Variants in UNC13B observed in about 807,000 individuals in gnomAD.
UNC13B encodes protein unc-13 homolog B.
UNC13B carries 144 observed loss-of-function variants against 211.0 expected under a neutral mutation model. The observed-to-expected ratio is 0.68, with a 90% CI of 0.60 to 0.78. The LOEUF (loss-of-function observed/expected upper bound fraction) is 0.78. Ranked by LOEUF, UNC13B falls within the 30% of genes least tolerant of loss-of-function variation. The probability of loss-of-function intolerance (pLI) is 0.00; values close to 1 mark genes in which losing one functional copy is unlikely to be tolerated. For synonymous variants in UNC13B, 709 were observed against 725.8 expected, an observed-to-expected ratio of 0.98 and a Z score of 0.37; for missense variants, 1,777 against 2,002.0, an observed-to-expected ratio of 0.89 and a Z score of 2.14.
chr9:35,244,502 G>T (rs1240398568), intron 6 of UNC13B, among the ~76,000 whole-genome samples: 1 of 152,152 alleles, frequency 6.6e-6, no homozygotes, highest in African/African-American at 2.4e-5. Context: ...CTGTCAGCAG[G>T]ATCAGTTCAG....
chr9:35,345,947 T>TATA (rs1832329228), intron 11 of UNC13B, among the ~76,000 whole-genome samples: 1 of 152,212 alleles, frequency 6.6e-6, no homozygotes, highest in Non-Finnish European at 1.5e-5. Context: ...GTCTAGCTTC[T>TATA]GGCCTATAAA....
Position 35,306,023 on chromosome 9 carries a change from G to A in UNC13B, c.6619G>A (p.Ala2207Thr). The change falls in exon 9 of 40, where the codon GCC (alanine) becomes ACC (threonine). Residue 2207 changes from alanine (A) to threonine (T), a missense_variant. Ala to Thr is a moderately conservative substitution (Grantham distance 58, BLOSUM62 0). Transcript: ENST00000635942. ...TGCTAGCTCAAGCATTAAGAAGGAT[G>A]CCTCTCATAGTAGTTCTACTTTTAG... The part of the protein sequence containing the change: ...STASSSIKKD[A>T]SHSSSTFSFF... The A allele has an allele frequency of 7.5e-6, 3 of 398,996 alleles. No homozygotes were observed. Among genetic ancestry groups the A allele is most frequent in the Middle Eastern group, 6.3e-4 (1 of 1,588 alleles). The allele number at this position is 398,996 out of a possible 1,614,324, so 24.7% of individuals were successfully genotyped here.
chr9:35,194,464 G>A (rs531032925), intron 1 of UNC13B, among the ~76,000 whole-genome samples: 2 of 152,052 alleles, frequency 1.3e-5, no homozygotes, highest in Non-Finnish European at 2.9e-5. Context: ...TTACAGCCCC[G>A]CACAATGGCT....
At chr9:35,381,459 G>A in intron 19 of UNC13B, 97 bp from the exon 20 acceptor site, 1 of 1,402,868 alleles carries the variant, frequency 7.1e-7, no homozygotes, top group Admixed American at 2.5e-5. Flanking sequence ...AATTTCTGTG[G>A]GACCTTGTGC....
At chr9:35,403,114 G>C (rs1184424380) in intron 37 of UNC13B, 53 bp from the exon 38 acceptor site, 2 of 1,581,160 alleles carry the variant, frequency 1.3e-6, no homozygotes, top group East Asian at 4.5e-5. Context: ...CACCCCTCAG[G>C]TTTACCTCCT....
At chr9:35,363,553 C>T (rs548426921) in intron 11 of UNC13B, among the ~76,000 whole-genome samples, 46 of 152,248 alleles carry the variant, frequency 3.0e-4, no homozygotes, top group African/African-American at 9.9e-4. Flanking sequence ...GCAGAAATAG[C>T]TTGAAAAATT....
At chr9:35,385,415 T>C (rs1431325777) in intron 22 of UNC13B, 8 of 985,298 alleles carry the variant, frequency 8.1e-6, no homozygotes, top group East Asian at 1.1e-4. Flanking sequence ...GAAAAAAGCA[T>C]GTGTGTAAGT....
At chr9:35,313,800 C>A in intron 10 of UNC13B, 99 bp from the exon 11 acceptor site, 2 of 959,576 alleles carry the variant, frequency 2.1e-6, no homozygotes, top group East Asian at 2.4e-5. Context: ...GGCATGAGTA[C>A]AAACCATTTT....
chr9:35,196,370 C>T (rs1741540119), intron 1 of UNC13B, among the ~76,000 whole-genome samples: 1 of 152,204 alleles, frequency 6.6e-6, no homozygotes, highest in African/African-American at 2.4e-5. Flanking sequence ...GCCTGAGGAA[C>T]CAGGTCACTG....
intron 20 of UNC13B, 46 bp downstream of exon 20, chr9:35,381,765 G>A (rs1022257284): frequency 1.3e-6 from 2 of 1,599,168 alleles, no homozygotes; most frequent in Admixed American, 1.7e-5. Flanking sequence ...AATCACTGGG[G>A]TGGCTAATTA....
At chr9:35,166,926 T>A (rs1821067228) in intron 1 of UNC13B, among the ~76,000 whole-genome samples, 1 of 152,146 alleles carries the variant, frequency 6.6e-6, no homozygotes, top group South Asian at 2.1e-4. Context: ...TCCTGTCAGG[T>A]CATCTGAGTC....
rs1330106457 is a variant in UNC13B at position 35,303,964 on chromosome 9, G to A, written c.4560G>A (p.Val1520=). The stretch of plus-strand genomic sequence containing the variant: ...GGTTGTCATGTCTTGAACATGGAGT[G>A]TGGTGGCCATCAGAGGATGGGGATT... The part of the protein sequence containing the change: ...QEWLSCLEHG[V]WWPSEDGDYG... Residue 1520 remains valine, a synonymous_variant, in exon 9 of 40, where the codon GTG becomes GTA. Transcript: ENST00000635942. The A allele has an allele frequency of 1.0e-5, 4 of 398,682 alleles. No individual in the cohort carries two copies. Among genetic ancestry groups the A allele is most frequent in the African/African-American group, 8.2e-5 (4 of 48,618 alleles). The allele number at this position is 398,682 out of a possible 1,614,324, so 24.7% of individuals were successfully genotyped here.
chr9:35,271,291 CT>C (rs61040539), intron 7 of UNC13B, among the ~76,000 whole-genome samples: 3,936 of 152,040 alleles, frequency 0.026, 175 homozygotes, highest in African/African-American at 0.088. Flanking sequence ...AGTGGATATA[CT>C]TTCTTTTAGG....
At position 35,308,033 on chromosome 9, in the gene UNC13B, G is replaced by A. The variant is rs1308269846; in HGVS notation, c.8629G>A (p.Glu2877Lys). ...CAGTGATCAGGACCTTAACTCCAGT[G>A]AGGCTAACAAAGCTTTGAAGTCTTC... ...TSSDQDLNSS[E>K]ANKALKSSQI... Residue 2877 changes from glutamate (E) to lysine (K), a missense_variant, in exon 9 of 40, where the codon GAG becomes AAG. Transcript: ENST00000635942. The A allele has an allele frequency of 2.5e-6, 1 of 398,956 alleles. No individual in the cohort carries two copies. The highest frequency in any genetic ancestry group is 4.4e-5 in the Admixed American group (1 of 22,706). The allele number at this position is 398,956 out of a possible 1,614,324, so 24.7% of individuals were successfully genotyped here.
At chr9:35,397,417 G>A (rs946773212) in intron 29 of UNC13B, 107 bp downstream of exon 29, 71 of 1,513,080 alleles carry the variant, frequency 4.7e-5, no homozygotes, top group South Asian at 3.7e-5. Flanking sequence ...GGTAAAGCTC[G>A]TGTGACCCCC....
At chr9:35,211,232 A>G (rs1032969235) in intron 1 of UNC13B, among the ~76,000 whole-genome samples, 5 of 152,242 alleles carry the variant, frequency 3.3e-5, no homozygotes, top group African/African-American at 4.8e-5. Context: ...GGAGAGAGGC[A>G]TGTACTAAAA....
chr9:35,284,904 G>A (rs1828705913), intron 7 of UNC13B, among the ~76,000 whole-genome samples: 1 of 152,176 alleles, frequency 6.6e-6, no homozygotes, highest in Non-Finnish European at 1.5e-5. Context: ...GCCAGTACTG[G>A]ACTACTAATG....
chr9:35,231,300 A>G, intron 3 of UNC13B, 81 bp downstream of exon 3: 1 of 909,844 alleles, frequency 1.1e-6, no homozygotes, highest in Non-Finnish European at 1.7e-6. Context: ...CAATTAGAAG[A>G]TTTTGTGTAT....
intron 16 of UNC13B, 64 bp from the exon 17 acceptor site, chr9:35,378,231 A>G: frequency 1.2e-6 from 2 of 1,601,506 alleles, no homozygotes; most frequent in East Asian, 4.5e-5. Flanking sequence ...TGGAAAGCAT[A>G]TGAGTAGTGT....
Sources: gnomAD v4.1 joint callset for allele counts (sites outside exome capture counted in the v4.1 genomes callset) on GRCh38, gnomAD v4.1.1 for gene constraint, MANE v1.5 for transcripts, NCBI Gene and HGNC (gene_info 2026-07-23, HGNC 2026-07-21) for gene names.